DCC: variants seen among roughly 807,000 people sequenced by gnomAD.
DCC encodes netrin receptor DCC.
DCC carries 58 observed loss-of-function variants against 172.5 expected under a neutral mutation model. That is an observed-to-expected ratio of 0.34 (90% confidence interval 0.27 to 0.42). DCC has a LOEUF of 0.42. Ranked by LOEUF, DCC falls within the 10% of genes least tolerant of loss-of-function variation. The pLI is 1.00. For synonymous variants in DCC, 709 were observed against 644.5 expected (o/e 1.10, Z -1.52); for missense variants, 1,740 against 1,791.0 (o/e 0.97, Z 0.51).
intron 17 of DCC, among the ~76,000 whole-genome samples, chr18:53,395,200 T>C (rs887522038): frequency 3.3e-5 from 5 of 152,046 alleles, no homozygotes; most frequent in African/African-American, 1.2e-4. Context: ...CTGGTTATTC[T>C]GTGCTCACAA....
At chr18:52,941,062 G>C (rs1157445722) in intron 5 of DCC, 2 of 152,034 alleles carry the variant, frequency 1.3e-5, no homozygotes, top group African/African-American at 4.8e-5. Context: ...TGGGTGAAAA[G>C]GGACACAATC....
intron 1 of DCC, among the ~76,000 whole-genome samples, chr18:52,622,319 T>G (rs986140): frequency 6.6e-6 from 1 of 152,130 alleles, no homozygotes; most frequent in East Asian, 1.9e-4. Context: ...GAAGAGTACA[T>G]TGTTCTACAA....
At chr18:52,996,961 G>A (rs575920607) in intron 5 of DCC, among the ~76,000 whole-genome samples, 18 of 151,894 alleles carry the variant, frequency 1.2e-4, no homozygotes, top group African/African-American at 2.7e-4. Flanking sequence ...TAACTGGTCC[G>A]TCAATTTATC....
At chr18:52,886,370 C>T (rs945196658) in intron 2 of DCC, among the ~76,000 whole-genome samples, 1 of 152,144 alleles carries the variant, frequency 6.6e-6, no homozygotes. Flanking sequence ...TGGCTAGGCT[C>T]GTCCAAATTC....
At chr18:52,784,928 A>G (rs2037626240) in intron 2 of DCC, among the ~76,000 whole-genome samples, 1 of 130,510 alleles carries the variant, frequency 7.7e-6, no homozygotes, top group African/African-American at 3.2e-5. Flanking sequence ...GAGAGAAGAG[A>G]AGGGGGGAGA....
chr18:53,150,564 G>A, intron 7 of DCC, among the ~76,000 whole-genome samples: 1 of 152,194 alleles, frequency 6.6e-6, no homozygotes, highest in South Asian at 2.1e-4. Context: ...TTGGAGTCCA[G>A]GGAAGTGCCC....
intron 1 of DCC, among the ~76,000 whole-genome samples, chr18:52,457,761 A>C (rs1249511937): frequency 1.3e-5 from 2 of 152,172 alleles, no homozygotes; most frequent in Non-Finnish European, 2.9e-5. Context: ...CACATGACTT[A>C]TTTCACCAAC....
chr18:52,493,271 A>G (rs533463412), intron 1 of DCC, among the ~76,000 whole-genome samples: 12 of 152,180 alleles, frequency 7.9e-5, no homozygotes, highest in African/African-American at 2.6e-4. Flanking sequence ...CAGGAAGATT[A>G]GAGGATTGAC....
At chr18:53,203,483 T>C (rs1161866554) in intron 9 of DCC, among the ~76,000 whole-genome samples, 1 of 152,082 alleles carries the variant, frequency 6.6e-6, no homozygotes, top group South Asian at 2.1e-4. Flanking sequence ...CCAGGACTGA[T>C]GGGAAATATG....
At chr18:52,478,648 C>A (rs536858665) in intron 1 of DCC, among the ~76,000 whole-genome samples, 1 of 152,312 alleles carries the variant, frequency 6.6e-6, no homozygotes, top group African/African-American at 2.4e-5. Flanking sequence ...AGGAAACTTA[C>A]AATCCTGGCA....
chr18:53,258,356 C>T (rs917357794), intron 12 of DCC, among the ~76,000 whole-genome samples: 3 of 152,012 alleles, frequency 2.0e-5, no homozygotes, highest in Non-Finnish European at 2.9e-5. Flanking sequence ...TTTAGTGCTA[C>T]AAATTTCCCT....
chr18:53,092,520 T>C (rs766885628), intron 7 of DCC, among the ~76,000 whole-genome samples: 10 of 152,202 alleles, frequency 6.6e-5, no homozygotes, highest in Non-Finnish European at 1.2e-4. Flanking sequence ...TTAACTTTAT[T>C]GCAACAATCC....
chr18:52,650,338 C>T (rs1039037803), intron 1 of DCC, among the ~76,000 whole-genome samples: 1 of 151,996 alleles, frequency 6.6e-6, no homozygotes, highest in Admixed American at 6.6e-5. Flanking sequence ...GCACTGGAGA[C>T]TCAGAAAGAT....
At chr18:53,124,887 T>C (rs1171028894) in intron 7 of DCC, among the ~76,000 whole-genome samples, 1 of 151,874 alleles carries the variant, frequency 6.6e-6, no homozygotes, top group African/African-American at 2.4e-5. Context: ...GGAGAATAGC[T>C]TGAACCCAGG....
intron 5 of DCC, among the ~76,000 whole-genome samples, chr18:53,007,355 T>C (rs2041661997): frequency 2.0e-5 from 3 of 152,132 alleles, no homozygotes. Context: ...ACCACAAATA[T>C]AATTAGTTTC....
chr18:52,949,473 T>C (rs1038638028), intron 5 of DCC, among the ~76,000 whole-genome samples: 1 of 152,240 alleles, frequency 6.6e-6, no homozygotes, highest in African/African-American at 2.4e-5. Flanking sequence ...TCCTTCCTCA[T>C]TAATATGTTT....
At chr18:53,339,506 C>T (rs951544500) in intron 14 of DCC, among the ~76,000 whole-genome samples, 8 of 152,070 alleles carry the variant, frequency 5.3e-5, no homozygotes, top group Admixed American at 6.6e-5. Context: ...GGAAAGAACT[C>T]GGTATTCTTG....
Position 53,335,565 on chromosome 18 carries a change from A to G in DCC, c.2165-4148A>G, listed in dbSNP as rs12955415. Among the ~76,000 whole-genome samples the G allele has an allele frequency of 1.3e-3, 192 of 152,320 alleles. 1 individual carries two copies. Among genetic ancestry groups the G allele is most frequent in the South Asian group, 0.011 (54 of 4,828 alleles). On this transcript the variant is annotated intron_variant, in intron 14 of 28. Coordinates refer to ENST00000442544, the MANE Select transcript of DCC (RefSeq NM_005215.4). ...ACATATATTACATATGTTACAAAGAATAACATGCCTACATACATGTTACAG... is the reference window on the plus strand; with the variant it reads ...ACATATATTACATATGTTACAAAGAGTAACATGCCTACATACATGTTACAG...
rs116244093 is a variant in DCC, at chr18:52,482,575, G to A, written c.91+141697G>A. Among the ~76,000 whole-genome samples, 420 of 152,260 alleles carry A rather than the reference G, an allele frequency of 2.8e-3. 2 individuals carry two copies. Among genetic ancestry groups the A allele is most frequent in the African/African-American group, 9.5e-3 (395 of 41,552 alleles). On this transcript the variant is annotated intron_variant, in intron 1 of 28. Transcript: ENST00000442544. Reference sequence around the variant, plus strand: ...TGTATCCTCACATGGTAGAAAGGGAGCAAGAAAGCTCTCTGGGGTCCCTTT... The same window carrying A: ...TGTATCCTCACATGGTAGAAAGGGAACAAGAAAGCTCTCTGGGGTCCCTTT...
Sources: gnomAD v4.1 joint callset for allele counts (sites outside exome capture counted in the v4.1 genomes callset) on GRCh38, gnomAD v4.1.1 for gene constraint, MANE v1.5 for transcripts, NCBI Gene and HGNC (gene_info 2026-07-23, HGNC 2026-07-21) for gene names.